ARHGAP10: variants seen among roughly 807,000 people sequenced by gnomAD.
The protein encoded by ARHGAP10 is rho GTPase-activating protein 10.
A neutral mutation model predicts 108.6 loss-of-function variants in ARHGAP10; 87 were observed. The ratio of observed to expected loss-of-function variants is 0.80; its 90% CI spans 0.67 to 0.96. The LOEUF (loss-of-function observed/expected upper bound fraction) is 0.96, where lower values mean the gene tolerates loss of function less well. Ranked by LOEUF, ARHGAP10 falls within the 40% of genes least tolerant of loss-of-function variation. The pLI is 0.00. For missense variants in ARHGAP10, 939 were observed against 954.5 expected (o/e 0.98, Z 0.21); for synonymous variants, 347 against 341.1 (o/e 1.02, Z -0.19).
At chr4:147,922,472 G>A (rs13435353) in intron 13 of ARHGAP10, among the ~76,000 whole-genome samples, 2,351 of 151,274 alleles carry the variant, frequency 0.016, 69 homozygotes, top group African/African-American at 0.054. Context: ...GGCGGATCAC[G>A]AGGTCAGGAG....
intron 13 of ARHGAP10, among the ~76,000 whole-genome samples, chr4:147,920,655 T>C (rs1292670041): frequency 6.6e-6 from 1 of 152,232 alleles, no homozygotes; most frequent in Non-Finnish European, 1.5e-5. Flanking sequence ...ATCCTTGATT[T>C]ATTAGTGGCT....
chr4:148,071,881 G>GA, intron 22 of ARHGAP10, 112 bp from the exon 23 acceptor site: 2 of 809,358 alleles, frequency 2.5e-6, no homozygotes, highest in Non-Finnish European at 4.0e-6. Flanking sequence ...CAACATCCCA[G>GA]AAGTGGCCCC....
chr4:147,872,235 T>A (rs1281211016), intron 7 of ARHGAP10, among the ~76,000 whole-genome samples: 1 of 148,460 alleles, frequency 6.7e-6, no homozygotes, highest in African/African-American at 2.5e-5. Flanking sequence ...GAGACAGAGG[T>A]GGCTGCTGGG....
rs143371632 is a variant in ARHGAP10 at position 147,799,328 on chromosome 4, T to C, written c.155-23399T>C. On this transcript the variant is annotated intron_variant, in intron 1 of 22. Coordinates refer to ENST00000336498, the MANE Select transcript of ARHGAP10 (RefSeq NM_024605.4). ...TGCTGGGATGGCCTCTCTTTGTTTA[T>C]TCTGATCATAAATTTGCTCAGCTTC... Among the ~76,000 whole-genome samples the C allele has an allele frequency of 2.6e-5, 4 of 152,298 alleles. 1 individual carries two copies. The East Asian group carries it at 7.7e-4, about 29-fold the overall frequency.
intron 1 of ARHGAP10, among the ~76,000 whole-genome samples, chr4:147,795,956 G>A (rs1386378207): frequency 6.6e-6 from 1 of 152,064 alleles, no homozygotes; most frequent in Admixed American, 6.6e-5. Context: ...GCCTCTCAAA[G>A]TGCTGGGATT....
chr4:147,860,770 A>G (rs959058891), intron 5 of ARHGAP10, among the ~76,000 whole-genome samples: 1 of 152,232 alleles, frequency 6.6e-6, no homozygotes, highest in Non-Finnish European at 1.5e-5. Flanking sequence ...ACTTTCTTAC[A>G]TATATTTACA....
intron 13 of ARHGAP10, among the ~76,000 whole-genome samples, chr4:147,934,589 A>G (rs1045652261): frequency 6.6e-6 from 1 of 152,182 alleles, no homozygotes; most frequent in African/African-American, 2.4e-5. Flanking sequence ...TAATCCCAGC[A>G]CTTTGGGATG....
intron 3 of ARHGAP10, among the ~76,000 whole-genome samples, chr4:147,828,562 T>G (rs1379950842): frequency 2.0e-5 from 3 of 152,250 alleles, no homozygotes; most frequent in Non-Finnish European, 4.4e-5. Flanking sequence ...TGCTTCGTGG[T>G]AATCAAGTGA....
intron 5 of ARHGAP10, among the ~76,000 whole-genome samples, chr4:147,858,683 T>C (rs1245460596): frequency 6.6e-6 from 1 of 152,184 alleles, no homozygotes; most frequent in African/African-American, 2.4e-5. Flanking sequence ...TATTGTGTGC[T>C]CCCTCATCTC....
At position 147,866,752 on chromosome 4, in the gene ARHGAP10, A is replaced by AG. The variant is rs1560799323; in HGVS notation, c.641dup (p.His215ProfsTer2). ...CAGGGGATGTTTACCTTCTATCATC[A>AG]GGGCCATGAACTTGCCAAAGACTTC... On this transcript the variant is annotated frameshift_variant, in exon 7 of 23. Coordinates refer to ENST00000336498, the MANE Select transcript of ARHGAP10 (RefSeq NM_024605.4). LOFTEE classifies it high-confidence loss of function. The AG allele has an allele frequency of 6.2e-7, 1 of 1,613,874 alleles. No homozygotes were observed. Among genetic ancestry groups the AG allele is most frequent in the Non-Finnish European group, 8.5e-7 (1 of 1,179,880 alleles).
chr4:147,923,782 G>T (rs1313318083), intron 13 of ARHGAP10, among the ~76,000 whole-genome samples: 3 of 152,228 alleles, frequency 2.0e-5, no homozygotes, highest in Non-Finnish European at 4.4e-5. Context: ...ATTGTATGGG[G>T]TTCTCAAGAT....
chr4:148,009,895 T>A (rs1284807446), intron 18 of ARHGAP10, among the ~76,000 whole-genome samples: 1 of 152,198 alleles, frequency 6.6e-6, no homozygotes, highest in African/African-American at 2.4e-5. Context: ...ATTCAGAACG[T>A]TGTGAAGGCT....
intron 1 of ARHGAP10, among the ~76,000 whole-genome samples, chr4:147,756,815 T>C (rs1729392010): frequency 6.6e-6 from 1 of 152,112 alleles, no homozygotes; most frequent in South Asian, 2.1e-4. Context: ...AATGCAAATG[T>C]GTAATGTATT....
intron 13 of ARHGAP10, 101 bp downstream of exon 13, chr4:147,913,240 G>T: frequency 4.0e-6 from 4 of 1,010,146 alleles, no homozygotes; most frequent in Non-Finnish European, 6.1e-6. Flanking sequence ...AGAATGAAAC[G>T]TGTTAACACA....
At chr4:147,990,405 G>T (rs1337945153) in intron 18 of ARHGAP10, among the ~76,000 whole-genome samples, 1 of 152,214 alleles carries the variant, frequency 6.6e-6, no homozygotes, top group Non-Finnish European at 1.5e-5. Context: ...GGGCATGACA[G>T]TTCTAGTTCT....
intron 15 of ARHGAP10, among the ~76,000 whole-genome samples, chr4:147,948,538 T>C (rs1578722731): frequency 6.6e-6 from 1 of 152,218 alleles, no homozygotes; most frequent in Admixed American, 6.5e-5. Flanking sequence ...TTGATGAACC[T>C]GGGTCATTTT....
At chr4:147,954,687 A>T (rs1364469749) in intron 15 of ARHGAP10, among the ~76,000 whole-genome samples, 1 of 152,000 alleles carries the variant, frequency 6.6e-6, no homozygotes, top group Non-Finnish European at 1.5e-5. Context: ...TAATTTTAAG[A>T]TATGTAGCAA....
intron 19 of ARHGAP10, among the ~76,000 whole-genome samples, chr4:148,040,715 T>C (rs1728595580): frequency 6.6e-6 from 1 of 152,186 alleles, no homozygotes; most frequent in African/African-American, 2.4e-5. Context: ...AACCTTTGGC[T>C]AATGGTCCCT....
At chr4:147,772,375 TCTC>T (rs1033502171) in intron 1 of ARHGAP10, among the ~76,000 whole-genome samples, 7 of 152,220 alleles carry the variant, frequency 4.6e-5, no homozygotes, top group Admixed American at 3.9e-4. Context: ...CTTTCTCCTC[TCTC>T]CTCTCTGCAG....
Sources: allele counts gnomAD v4.1 joint callset (sites outside exome capture counted in the v4.1 genomes callset), GRCh38; gene constraint gnomAD v4.1.1; transcripts MANE v1.5; gene names NCBI Gene and HGNC (gene_info 2026-07-23, HGNC 2026-07-21).